The following ENTPD6 variants were observed in gnomAD, a reference collection of about 807,000 sequenced individuals.
ENTPD6 encodes the protein ectonucleoside triphosphate diphosphohydrolase 6.
In ENTPD6, 46 loss-of-function variants were observed where a neutral mutation model predicts 61.5. The ratio of observed to expected loss-of-function variants is 0.75; its 90% CI spans 0.59 to 0.96. ENTPD6 has a LOEUF of 0.96. Ranked by LOEUF, ENTPD6 falls within the 40% of genes least tolerant of loss-of-function variation. The pLI is 0.00. For synonymous variants in ENTPD6, 252 were observed against 255.5 expected, an observed-to-expected ratio of 0.99 and a Z score of 0.13; for missense variants, 612 against 629.0, an observed-to-expected ratio of 0.97 and a Z score of 0.29.
Position 25,225,568 on chromosome 20 carries a change from C to T in ENTPD6, c.1426C>T (p.Leu476=), listed in dbSNP as rs757760642. 6 of 1,613,996 alleles carry T rather than the reference C, an allele frequency of 3.7e-6. No homozygotes were observed. The highest frequency in any genetic ancestry group is 5.1e-6 in the Non-Finnish European group (6 of 1,179,970). The change falls in exon 15 of 15, where the codon CTG becomes TTG. Residue 476 remains leucine (L), a synonymous_variant. Coordinates refer to ENST00000376652, the MANE Select transcript of ENTPD6 (RefSeq NM_001247.5). The stretch of plus-strand genomic sequence containing the variant: ...GGCCATTTTTCATTACATCGACTCC[C>T]TGAACAGACAGAAGAGTCCAGCCTC... ...LGAIFHYIDS[L]NRQKSPAS
chr20:25,206,289 G>A (rs1342440108), intron 1 of ENTPD6, among the ~76,000 whole-genome samples: 1 of 152,260 alleles, frequency 6.6e-6, no homozygotes, highest in East Asian at 1.9e-4. Flanking sequence ...GGGACAGGCT[G>A]ATGGACGTTC....
Position 25,218,606 on chromosome 20 carries a change from G to C in ENTPD6, c.935G>C (p.Gly312Ala), listed in dbSNP as rs1467093044. Residue 312 changes from glycine to alanine, a missense_variant, in exon 10 of 15, where the codon GGG (glycine) becomes GCG (alanine). Coordinates refer to ENST00000376652, the MANE Select transcript of ENTPD6 (RefSeq NM_001247.5). ...CTGGCGATCCTGGGCGGCGTGGAGG[G>C]GCAGCCTGGTGAGTGGACATGTTGC... ...ARLAILGGVEGQPAKDGKELV... is the reference protein window; with the variant it reads ...ARLAILGGVEAQPAKDGKELV... 2 of 1,605,342 alleles carry C rather than the reference G, an allele frequency of 1.2e-6. No homozygotes were observed. Among genetic ancestry groups the C allele is most frequent in the Non-Finnish European group, 1.7e-6 (2 of 1,178,138 alleles).
chr20:25,213,168 C>T (rs1054232210), intron 4 of ENTPD6, 95 bp from the exon 5 acceptor site: 59 of 1,479,716 alleles, frequency 4.0e-5, no homozygotes, highest in Admixed American at 3.4e-5. Flanking sequence ...GACTCTGTCT[C>T]CAGAAACCAA....
chr20:25,211,375 A>G (rs1395817698), intron 4 of ENTPD6, among the ~76,000 whole-genome samples: 1 of 152,248 alleles, frequency 6.6e-6, no homozygotes, highest in Non-Finnish European at 1.5e-5. Context: ...TAGGTGACAC[A>G]CATTCAAGTG....
intron 8 of ENTPD6, among the ~76,000 whole-genome samples, chr20:25,217,198 C>G (rs2092363237): frequency 6.6e-6 from 1 of 152,182 alleles, no homozygotes; most frequent in African/African-American, 2.4e-5. Flanking sequence ...TCCTCACCCA[C>G]TCATCCTCCT....
intron 9 of ENTPD6, 73 bp downstream of exon 9, chr20:25,217,654 TCTTGA>T: frequency 7.7e-7 from 1 of 1,298,722 alleles, no homozygotes; most frequent in Non-Finnish European, 1.1e-6. Context: ...CGCATGGCCC[TCTTGA>T]GGTCATGGAT....
At position 25,207,007 on chromosome 20, in the gene ENTPD6, G is replaced by A. The variant is rs536436232; in HGVS notation, c.55-69G>A. On this transcript the variant is annotated intron_variant, in intron 2 of 14. Transcript: ENST00000376652. Reference sequence around the variant, plus strand: ...TTGAACATTTTGTCCCTGGGCCTGGGGACGTCTGACTCTCCTTGGATCCTA... The same window carrying A: ...TTGAACATTTTGTCCCTGGGCCTGGAGACGTCTGACTCTCCTTGGATCCTA... 216 of 1,410,264 alleles carry A rather than the reference G, an allele frequency of 1.5e-4. 4 individuals carry two copies. The South Asian group carries it at 2.8e-3, about 18-fold the overall frequency. 87.4% of individuals were successfully genotyped at this position (1,410,264 alleles called of 1,614,324 possible). A position where few individuals can be genotyped will look rare whatever the true frequency, so the allele number is the denominator to read the frequency against.
In ENTPD6 at chr20:25,195,734, T is replaced by TC; in HGVS notation, c.-148dup. On this transcript the variant is annotated 5_prime_UTR_variant, in exon 1 of 15. Transcript: ENST00000376652. ...GGGGCGGAGCCCAGGCCCTAGGGAA[T>TC]CGTGGGGTCGTATCCCGCGGGTGGA... 1.4e-6 allele frequency: 1 copy of TC among 696,186 alleles called. No individual in the cohort carries two copies. The highest frequency in any genetic ancestry group is 2.0e-6 in the Non-Finnish European group (1 of 492,238). The allele number at this position is 696,186 out of a possible 1,614,324, so 43.1% of individuals were successfully genotyped here.
chr20:25,206,296 G>A (rs765804542), intron 1 of ENTPD6, among the ~76,000 whole-genome samples: 6 of 152,234 alleles, frequency 3.9e-5, no homozygotes, highest in South Asian at 4.1e-4. Flanking sequence ...GCTGATGGAC[G>A]TTCCCCAAGG....
intron 10 of ENTPD6, among the ~76,000 whole-genome samples, chr20:25,219,392 G>A (rs2123215859): frequency 6.6e-6 from 1 of 152,326 alleles, no homozygotes; most frequent in East Asian, 1.9e-4. Flanking sequence ...CATGATTCCA[G>A]CCTTGCAAGA....
intron 5 of ENTPD6, 66 bp downstream of exon 5, chr20:25,213,472 T>C: frequency 2.0e-6 from 3 of 1,510,790 alleles, no homozygotes; most frequent in Non-Finnish European, 2.7e-6. Context: ...TGAAAACAAC[T>C]GCTGTCTCAC....
chr20:25,221,417 G>A, intron 11 of ENTPD6, 84 bp downstream of exon 11: 4 of 1,013,436 alleles, frequency 3.9e-6, no homozygotes, highest in Non-Finnish European at 6.2e-6. Context: ...CATCCCATGG[G>A]ACGTTCCACG....
chr20:25,212,885 T>G (rs1374668939), intron 4 of ENTPD6, among the ~76,000 whole-genome samples: 1 of 152,172 alleles, frequency 6.6e-6, no homozygotes, highest in African/African-American at 2.4e-5. Context: ...TTTTGTATTT[T>G]TAGTAGAAAC....
Position 25,203,309 on chromosome 20 carries a change from T to C in ENTPD6, c.-15-3213T>C, listed in dbSNP as rs150297761. Reference sequence around the variant, plus strand: ...TGAGCTTCTTGGATGTTTATATTCATGTCTTTAGTCAAATTTGGGAGGTTT... The same window carrying C: ...TGAGCTTCTTGGATGTTTATATTCACGTCTTTAGTCAAATTTGGGAGGTTT... On this transcript the variant is annotated intron_variant, in intron 1 of 14. Transcript: ENST00000376652. 4.8e-3 allele frequency among the ~76,000 whole-genome samples: 735 copies of C among 152,364 alleles called. 8 individuals carry two copies. Among genetic ancestry groups the C allele is most frequent in the African/African-American group, 0.017 (689 of 41,586 alleles).
In ENTPD6 at chr20:25,217,507, C is replaced by G. The variant is rs764386682; in HGVS notation, c.804C>G (p.Thr268=). The change falls in exon 9 of 15, where the codon ACC becomes ACG. Residue 268 remains threonine (T), a synonymous_variant. Coordinates refer to ENST00000376652, the MANE Select transcript of ENTPD6 (RefSeq NM_001247.5). ...TTACCCTCGTTCTTCTCCAGGGCAC[C>G]CTGCAGGCCTCCCCACCCGGCTACC... ...QIAFLPRVEG[T]LQASPPGYLT... is the part of the protein sequence containing the mutation. 6.2e-7 allele frequency: 1 copy of G among 1,614,088 alleles called. No individual in the cohort carries two copies. Among genetic ancestry groups the G allele is most frequent in the Non-Finnish European group, 8.5e-7 (1 of 1,179,946 alleles).
At chr20:25,213,557 G>A (rs1473058214) in intron 5 of ENTPD6, 151 bp downstream of exon 5, 9 of 709,898 alleles carry the variant, frequency 1.3e-5, no homozygotes, top group Non-Finnish European at 1.8e-5. Flanking sequence ...GTGGAGGGAT[G>A]GTGGGCAGAT....
At chr20:25,216,419 C>G (rs1050333832) in intron 7 of ENTPD6, among the ~76,000 whole-genome samples, 6 of 152,138 alleles carry the variant, frequency 3.9e-5, no homozygotes, top group African/African-American at 1.2e-4. Context: ...TTCAGTATCT[C>G]CCCTGAAGGT....
chr20:25,209,469 G>T (rs1036233506), intron 3 of ENTPD6, among the ~76,000 whole-genome samples: 1 of 151,902 alleles, frequency 6.6e-6, no homozygotes, highest in African/African-American at 2.4e-5. Context: ...TGTAGTCCCA[G>T]CTACTCAGGA....
chr20:25,227,412 G>A lies in ENTPD6; in HGVS notation c.*1815G>A, dbSNP rs756966466. Among the ~76,000 whole-genome samples, 6 of 152,186 alleles carry A rather than the reference G, an allele frequency of 3.9e-5. No individual in the cohort carries two copies. The highest frequency in any genetic ancestry group is 6.5e-5 in the Admixed American group (1 of 15,276). ...CAATTTGGTCCATTTAAAGAAGGTC[G>A]GTGACCTCATGCCTGAAAAAGGCAA... On this transcript the variant is annotated 3_prime_UTR_variant, in exon 15 of 15. Transcript: ENST00000376652.
Sources: gnomAD v4.1 joint callset for allele counts (sites outside exome capture counted in the v4.1 genomes callset) on GRCh38, gnomAD v4.1.1 for gene constraint, MANE v1.5 for transcripts, NCBI Gene and HGNC (gene_info 2026-07-23, HGNC 2026-07-21) for gene names.